DOCK3: variants seen among roughly 807,000 people sequenced by gnomAD.
DOCK3 encodes dedicator of cytokinesis 3, also known as dedicator of cytokinesis protein 3.
Under a neutral mutation model 265.6 loss-of-function variants are expected in DOCK3, and 60 were observed. The observed-to-expected ratio is 0.23, with a 90% CI of 0.18 to 0.28. DOCK3 has a LOEUF of 0.28. DOCK3 is among the 10% of genes least tolerant of loss of function. The pLI, the probability that DOCK3 is intolerant of heterozygous loss-of-function variation, is 1.00. For missense variants in DOCK3, 1,981 were observed against 2,594.3 expected (o/e 0.76, Z 5.14); for synonymous variants, 881 against 938.0 (o/e 0.94, Z 1.11).
chr3:50,679,974 G>T (rs534210438), intron 1 of DOCK3, among the ~76,000 whole-genome samples: 103 of 152,288 alleles, frequency 6.8e-4, no homozygotes, highest in Non-Finnish European at 1.3e-3. Context: ...TTAGCTGAGA[G>T]AAATTAAGTA....
chr3:50,879,649 A>G (rs1387729594), intron 3 of DOCK3, among the ~76,000 whole-genome samples: 1 of 152,212 alleles, frequency 6.6e-6, no homozygotes, highest in Admixed American at 6.5e-5. Context: ...AGAGACCTAC[A>G]AAGAGACTTA....
intron 4 of DOCK3, among the ~76,000 whole-genome samples, chr3:50,930,655 G>A (rs1049565482): frequency 6.6e-6 from 1 of 152,332 alleles, no homozygotes; most frequent in East Asian, 1.9e-4. Context: ...CCCTCACCTG[G>A]CTTGGGGCCC....
At chr3:51,131,590 C>A (rs770101966) in intron 9 of DOCK3, among the ~76,000 whole-genome samples, 8 of 152,088 alleles carry the variant, frequency 5.3e-5, no homozygotes, top group Non-Finnish European at 7.3e-5. Context: ...ATCCGTTCAA[C>A]CTAGAAATTT....
At chr3:51,135,529 C>T (rs972912907) in intron 9 of DOCK3, among the ~76,000 whole-genome samples, 1 of 152,138 alleles carries the variant, frequency 6.6e-6, no homozygotes, top group Non-Finnish European at 1.5e-5. Flanking sequence ...TGGACTGTCT[C>T]CGGGAATCCT....
At chr3:50,965,102 A>C (rs1392827756) in intron 5 of DOCK3, among the ~76,000 whole-genome samples, 2 of 152,182 alleles carry the variant, frequency 1.3e-5, no homozygotes, top group Admixed American at 6.5e-5. Context: ...AAAGTAATAG[A>C]GTTCACATCA....
At chr3:51,339,126 A>T in intron 37 of DOCK3, 98 bp downstream of exon 37, 2 of 1,028,840 alleles carry the variant, frequency 1.9e-6, no homozygotes, top group Non-Finnish European at 2.7e-6. Context: ...TGCCTGCCAG[A>T]TCTCAGCAGA....
chr3:50,829,956 ATAAC>A (rs1216179666), intron 2 of DOCK3, among the ~76,000 whole-genome samples: 1 of 152,208 alleles, frequency 6.6e-6, no homozygotes, highest in African/African-American at 2.4e-5. Flanking sequence ...AAGATTTAAT[ATAAC>A]TAAACTGTGC....
At chr3:51,194,822 CTTTTTTT>C (rs781358698) in intron 12 of DOCK3, among the ~76,000 whole-genome samples, 1 of 125,778 alleles carries the variant, frequency 8.0e-6, no homozygotes, top group Non-Finnish European at 1.7e-5. Context: ...AGGTGAATAT[CTTTTTTT>C]TTTTTTTTTT....
intron 47 of DOCK3, 122 bp downstream of exon 47, chr3:51,360,754 T>G: frequency 7.4e-7 from 1 of 1,359,582 alleles, no homozygotes. Context: ...AGCAAACACT[T>G]ATGTGGCTCC....
At chr3:50,793,358 C>CT (rs568370017) in intron 2 of DOCK3, among the ~76,000 whole-genome samples, 1,792 of 130,744 alleles carry the variant, frequency 0.014, 15 homozygotes, top group African/African-American at 0.02. Context: ...TTTTCTTTTT[C>CT]TTTTTTTTTT....
chr3:50,985,643 A>T (rs1002509549), intron 5 of DOCK3, among the ~76,000 whole-genome samples: 1 of 152,102 alleles, frequency 6.6e-6, no homozygotes, highest in Admixed American at 6.5e-5. Context: ...TTCAAAAAAT[A>T]TATATACTGA....
chr3:51,074,990 C>G (rs143097688), intron 6 of DOCK3, among the ~76,000 whole-genome samples: 40 of 152,070 alleles, frequency 2.6e-4, no homozygotes, highest in African/African-American at 9.6e-4. Context: ...GAAACTAATG[C>G]ATAACTAAAC....
chr3:50,694,284 A>T (rs970602410), intron 1 of DOCK3, among the ~76,000 whole-genome samples: 7 of 152,260 alleles, frequency 4.6e-5, no homozygotes, highest in Non-Finnish European at 1.0e-4. Flanking sequence ...AAAACTAAAA[A>T]AAAAATAAAA....
chr3:50,758,967 A>G (rs2040362639), intron 1 of DOCK3, among the ~76,000 whole-genome samples: 1 of 152,206 alleles, frequency 6.6e-6, no homozygotes, highest in African/African-American at 2.4e-5. Flanking sequence ...AAGGCTGAAT[A>G]ATATTCCATT....
intron 9 of DOCK3, among the ~76,000 whole-genome samples, chr3:51,090,954 A>T (rs1409883026): frequency 6.6e-6 from 1 of 152,212 alleles, no homozygotes; most frequent in African/African-American, 2.4e-5. Flanking sequence ...ATTATATATT[A>T]TATGTGGGAA....
chr3:51,286,389 A>C (rs1164393284), intron 27 of DOCK3, among the ~76,000 whole-genome samples: 2 of 152,232 alleles, frequency 1.3e-5, no homozygotes, highest in African/African-American at 2.4e-5. Flanking sequence ...TAAAATGACC[A>C]TACAACTCAA....
intron 12 of DOCK3, among the ~76,000 whole-genome samples, chr3:51,164,615 CTCCG>C: frequency 9.0e-6 from 1 of 111,286 alleles, no homozygotes; most frequent in Non-Finnish European, 1.7e-5. Context: ...CAGAGCGAGA[CTCCG>C]TCTCAAAAAA....
intron 5 of DOCK3, among the ~76,000 whole-genome samples, chr3:50,945,644 C>T (rs767826242): frequency 1.3e-5 from 2 of 152,100 alleles, no homozygotes; most frequent in Non-Finnish European, 2.9e-5. Context: ...TGAGACCCCT[C>T]ATAACAGAAT....
At chr3:51,363,579 T>C (rs998291979) in intron 49 of DOCK3, among the ~76,000 whole-genome samples, 6 of 152,258 alleles carry the variant, frequency 3.9e-5, no homozygotes, top group African/African-American at 1.4e-4. Context: ...GTTGGTGTGC[T>C]GCACCCGTTA....
Sources: gnomAD v4.1 joint callset for allele counts (sites outside exome capture counted in the v4.1 genomes callset) on GRCh38, gnomAD v4.1.1 for gene constraint, MANE v1.5 for transcripts, NCBI Gene and HGNC (gene_info 2026-07-23, HGNC 2026-07-21) for gene names.